PPM1H: variants seen among roughly 807,000 people sequenced by gnomAD.
PPM1H encodes protein phosphatase, Mg2+/Mn2+ dependent 1H, also known as protein phosphatase 1H.
PPM1H carries 27 observed loss-of-function variants against 54.9 expected under a neutral mutation model. That is an observed-to-expected ratio of 0.49 (90% CI 0.36 to 0.68). The LOEUF (loss-of-function observed/expected upper bound fraction) is 0.68, where lower values mean the gene tolerates loss of function less well. Among genes scored for constraint, PPM1H ranks in the 30% least tolerant of loss-of-function variants. The pLI, the probability that PPM1H is intolerant of heterozygous loss-of-function variation, is 0.00. For synonymous variants in PPM1H, 305 were observed against 270.8 expected (o/e 1.13, Z -1.24); for missense variants, 596 against 667.8 (o/e 0.89, Z 1.19).
Position 62,837,526 on chromosome 12 carries a change from T to C in PPM1H, c.246-5247A>G, listed in dbSNP as rs941979193. Among the ~76,000 whole-genome samples, 3 of 152,322 alleles carry C rather than the reference T, an allele frequency of 2.0e-5. No individual in the cohort carries two copies. In the East Asian group the frequency reaches 5.8e-4, roughly 29 times the overall value. On this transcript the variant is annotated intron_variant, in intron 1 of 9. Transcript: ENST00000228705. ...CCTCCCCACCATGAGGCATTCAGCA[T>C]AGTGCAGAAGGCAGACACAGGGACA...
chr12:62,774,720 T>C (rs1201934323), intron 4 of PPM1H, among the ~76,000 whole-genome samples: 1 of 152,194 alleles, frequency 6.6e-6, no homozygotes, highest in African/African-American at 2.4e-5. Flanking sequence ...GAAAATACAT[T>C]CTTAGCAATC....
chr12:62,780,157 G>T (rs2076632995), intron 4 of PPM1H, among the ~76,000 whole-genome samples: 1 of 152,164 alleles, frequency 6.6e-6, no homozygotes, highest in South Asian at 2.1e-4. Context: ...GCTATTATTT[G>T]CCTTATAGCT....
At chr12:62,751,482 CAG>C (rs1430796567) in intron 4 of PPM1H, among the ~76,000 whole-genome samples, 1 of 152,188 alleles carries the variant, frequency 6.6e-6, no homozygotes, top group Non-Finnish European at 1.5e-5. Flanking sequence ...TCTTCATGCT[CAG>C]AGTGAAACAG....
At chr12:62,660,882 G>T (rs568768689) in intron 9 of PPM1H, among the ~76,000 whole-genome samples, 1 of 152,290 alleles carries the variant, frequency 6.6e-6, no homozygotes, top group South Asian at 2.1e-4. Context: ...ACACACAGGG[G>T]TAGGAAAACA....
Position 62,744,991 on chromosome 12 carries a change from A to G in PPM1H, c.870-7405T>C, listed in dbSNP as rs140724796. The stretch of plus-strand genomic sequence containing the variant: ...CCAGACCTTCACCTGGTGCCGTCCT[A>G]TGGGGAAAAATGGAAGAGCACTTTC... On this transcript the variant is annotated intron_variant, in intron 4 of 9. Coordinates refer to ENST00000228705, the MANE Select transcript of PPM1H (RefSeq NM_020700.2). Among the ~76,000 whole-genome samples the G allele has an allele frequency of 7.2e-5, 11 of 152,262 alleles. No individual in the cohort carries two copies. The East Asian group carries it at 2.1e-3, about 29-fold the overall frequency.
chr12:62,821,550 G>C (rs1313219856), intron 2 of PPM1H, among the ~76,000 whole-genome samples: 7 of 152,222 alleles, frequency 4.6e-5, no homozygotes, highest in African/African-American at 1.7e-4. Flanking sequence ...GCAAAGGGAA[G>C]CCCATCAAAC....
intron 4 of PPM1H, among the ~76,000 whole-genome samples, chr12:62,743,167 A>C (rs1187120378): frequency 6.6e-6 from 1 of 152,138 alleles, no homozygotes; most frequent in Non-Finnish European, 1.5e-5. Context: ...CCTGGCCAAC[A>C]TGGTGAAACC....
At chr12:62,797,919 A>G (rs1360249111) in intron 3 of PPM1H, among the ~76,000 whole-genome samples, 3 of 152,188 alleles carry the variant, frequency 2.0e-5, no homozygotes, top group Non-Finnish European at 2.9e-5. Flanking sequence ...GAGAGTATTA[A>G]CAATTAAGAC....
chr12:62,856,370 C>T (rs902672672), intron 1 of PPM1H, among the ~76,000 whole-genome samples: 1 of 152,182 alleles, frequency 6.6e-6, no homozygotes, highest in Non-Finnish European at 1.5e-5. Context: ...TCACAGGGCT[C>T]ACCCCATTTC....
intron 3 of PPM1H, among the ~76,000 whole-genome samples, chr12:62,800,401 A>C (rs2076760534): frequency 6.6e-6 from 1 of 151,202 alleles, no homozygotes; most frequent in Admixed American, 6.6e-5. Context: ...CAGTGGCATG[A>C]TCTCAGCTCA....
At chr12:62,654,740 G>A (rs1327832648) in intron 9 of PPM1H, among the ~76,000 whole-genome samples, 1 of 152,152 alleles carries the variant, frequency 6.6e-6, no homozygotes, top group African/African-American at 2.4e-5. Flanking sequence ...ACCATATGAG[G>A]TTTAACTTCA....
At chr12:62,821,560 C>T (rs1390572584) in intron 2 of PPM1H, among the ~76,000 whole-genome samples, 3 of 152,336 alleles carry the variant, frequency 2.0e-5, no homozygotes, top group African/African-American at 7.2e-5. Context: ...GCCCATCAAA[C>T]TAACAGTGGA....
At chr12:62,746,790 G>T (rs1447811913) in intron 4 of PPM1H, among the ~76,000 whole-genome samples, 2 of 152,162 alleles carry the variant, frequency 1.3e-5, no homozygotes, top group African/African-American at 2.4e-5. Context: ...AACACACAGG[G>T]TGCTACTGGG....
At chr12:62,676,436 C>T (rs1565753048) in intron 8 of PPM1H, among the ~76,000 whole-genome samples, 2 of 152,138 alleles carry the variant, frequency 1.3e-5, no homozygotes, top group East Asian at 3.9e-4. Flanking sequence ...GGACAGGAGC[C>T]CTGTCCTCCT....
intron 6 of PPM1H, among the ~76,000 whole-genome samples, chr12:62,706,714 T>C (rs1444473842): frequency 1.3e-5 from 2 of 152,186 alleles, no homozygotes; most frequent in Non-Finnish European, 2.9e-5. Flanking sequence ...GTTACACTCT[T>C]AACCACGCTT....
At chr12:62,653,394 C>T (rs1175810824) in intron 9 of PPM1H, among the ~76,000 whole-genome samples, 1 of 152,228 alleles carries the variant, frequency 6.6e-6, no homozygotes, top group Non-Finnish European at 1.5e-5. Flanking sequence ...CACTAACTCC[C>T]TTTAGCAGTT....
At chr12:62,674,761 C>A (rs181777046) in intron 8 of PPM1H, among the ~76,000 whole-genome samples, 1 of 152,196 alleles carries the variant, frequency 6.6e-6, no homozygotes, top group Non-Finnish European at 1.5e-5. Flanking sequence ...ATGCCTTACA[C>A]GAAGAGGAAG....
intron 2 of PPM1H, among the ~76,000 whole-genome samples, chr12:62,816,331 G>T (rs1283710604): frequency 6.6e-6 from 1 of 152,178 alleles, no homozygotes; most frequent in Non-Finnish European, 1.5e-5. Context: ...CAAAAGTCTG[G>T]AAAATGCTCT....
intron 4 of PPM1H, among the ~76,000 whole-genome samples, chr12:62,743,181 T>C (rs1229933522): frequency 6.6e-6 from 1 of 152,054 alleles, no homozygotes; most frequent in Non-Finnish European, 1.5e-5. Context: ...TGAAACCCCA[T>C]CTCTACTAAA....
Sources: gnomAD v4.1 joint callset for allele counts (sites outside exome capture counted in the v4.1 genomes callset) on GRCh38, gnomAD v4.1.1 for gene constraint, MANE v1.5 for transcripts, NCBI Gene and HGNC (gene_info 2026-07-23, HGNC 2026-07-21) for gene names.